Variants in DCTN4 observed in about 807,000 individuals in gnomAD.
DCTN4 encodes dynactin 4 (p62).
In DCTN4, 23 loss-of-function variants were observed where a neutral mutation model predicts 62.7. That is an observed-to-expected ratio of 0.37 (90% CI 0.26 to 0.52). DCTN4 has a LOEUF of 0.52. DCTN4 is among the 20% of genes least tolerant of loss of function. The pLI is 0.92. For missense variants in DCTN4, 514 were observed against 580.4 expected (o/e 0.89, Z 1.18); for synonymous variants, 199 against 202.1 (o/e 0.98, Z 0.13).
At chr5:150,751,199 TAAAC>T (rs2113141842) in intron 3 of DCTN4, among the ~76,000 whole-genome samples, 1 of 152,216 alleles carries the variant, frequency 6.6e-6, no homozygotes, top group South Asian at 2.1e-4. Flanking sequence ...TACTTATAAA[TAAAC>T]AAATAGTTCT....
chr5:150,713,709 G>A (rs977706795), intron 12 of DCTN4, among the ~76,000 whole-genome samples: 1 of 151,734 alleles, frequency 6.6e-6, no homozygotes, highest in Non-Finnish European at 1.5e-5. Flanking sequence ...CTCCCAAAGT[G>A]CTGGGATTAC....
chr5:150,758,850 C>G lies in DCTN4; in HGVS notation c.135+9G>C, dbSNP rs1394952076. ...ACCCCACATACTCGCTATAGGGCGA[C>G]TCTGTTACCTCGTGAGACACACATT... On this transcript the variant is annotated intron_variant, in intron 1 of 12. Transcript: ENST00000447998. 5.0e-6 allele frequency: 8 copies of G among 1,613,476 alleles called. No individual in the cohort carries two copies. The highest frequency in any genetic ancestry group is 6.8e-6 in the Non-Finnish European group (8 of 1,179,768).
chr5:150,715,704 T>C, intron 11 of DCTN4, 42 bp from the exon 12 acceptor site: 5 of 1,518,140 alleles, frequency 3.3e-6, no homozygotes, highest in Non-Finnish European at 4.6e-6. Flanking sequence ...AAGGGACCAG[T>C]GTGACAGAAT....
chr5:150,709,065 A>G lies in DCTN4; in HGVS notation c.*2084T>C, dbSNP rs78098966. The G allele has an allele frequency of 3.2e-3, 489 of 152,906 alleles. 17 individuals are homozygous for G. In the East Asian group the frequency reaches 0.081, roughly 25 times the overall value. 9.5% of individuals were successfully genotyped at this position (152,906 alleles called of 1,614,324 possible). A position where few individuals can be genotyped will look rare whatever the true frequency, so the allele number is the denominator to read the frequency against. On this transcript the variant is annotated 3_prime_UTR_variant, in exon 13 of 13. Coordinates refer to ENST00000447998, the MANE Select transcript of DCTN4 (RefSeq NM_016221.4). ...GCATTAAAATTTTTGCACCTCATCT[A>G]ATATAAAAAAGGCAACAAATACAAT...
At chr5:150,711,607 G>T (rs1759569002) in intron 12 of DCTN4, among the ~76,000 whole-genome samples, 1 of 152,112 alleles carries the variant, frequency 6.6e-6, no homozygotes, top group Non-Finnish European at 1.5e-5. Context: ...ACGGGCTCAA[G>T]TAACTCTCCC....
chr5:150,741,879 T>C (rs1300864051), intron 4 of DCTN4, among the ~76,000 whole-genome samples: 3 of 152,242 alleles, frequency 2.0e-5, no homozygotes, highest in Non-Finnish European at 4.4e-5. Context: ...CTTTTCCTGA[T>C]GCACAATTCA....
chr5:150,715,635 A>G lies in DCTN4; in HGVS notation c.1099T>C (p.Leu367=), dbSNP rs747923630. ...TCTGCTGCTGCATCCTTGCCAGCTA[A>G]AACGAGCTCTTTGGGAGGCACCACC... The part of the protein sequence containing the change: ...KVVVPPKELV[L]AGKDAAAEYD... Residue 367 remains leucine, a synonymous_variant, in exon 12 of 13, where the codon TTA becomes CTA. Coordinates refer to ENST00000447998, the MANE Select transcript of DCTN4 (RefSeq NM_016221.4). 3.7e-6 allele frequency: 6 copies of G among 1,614,082 alleles called. No homozygotes were observed. Among genetic ancestry groups the G allele is most frequent in the Non-Finnish European group, 4.2e-6 (5 of 1,180,040 alleles).
intron 4 of DCTN4, among the ~76,000 whole-genome samples, chr5:150,739,333 C>CA (rs1184940129): frequency 2.0e-5 from 3 of 152,056 alleles, no homozygotes; most frequent in East Asian, 3.9e-4. Context: ...AAACCCCACC[C>CA]AAAAAACAAA....
chr5:150,729,562 AAAAC>A (rs764355669), intron 8 of DCTN4, among the ~76,000 whole-genome samples: 31 of 152,268 alleles, frequency 2.0e-4, no homozygotes, highest in East Asian at 7.7e-4. Flanking sequence ...AAGACATTAA[AAAAC>A]AAACAAACAA....
At chr5:150,732,158 G>T (rs1446525579) in intron 5 of DCTN4, among the ~76,000 whole-genome samples, 1 of 152,028 alleles carries the variant, frequency 6.6e-6, no homozygotes, top group African/African-American at 2.4e-5. Context: ...TTCTAATCTA[G>T]ATTTTTTTTG....
chr5:150,738,881 C>T (rs1023554287), intron 4 of DCTN4, among the ~76,000 whole-genome samples: 9 of 152,122 alleles, frequency 5.9e-5, no homozygotes, highest in African/African-American at 2.2e-4. Flanking sequence ...ATCCAAAAAG[C>T]TCCTAGATCT....
At chr5:150,735,329 G>C (rs7727767) in intron 4 of DCTN4, among the ~76,000 whole-genome samples, 2 of 152,176 alleles carry the variant, frequency 1.3e-5, no homozygotes, top group African/African-American at 2.4e-5. Context: ...GTCTGTCCAC[G>C]TGACAATTCA....
At chr5:150,725,624 A>G (rs1198554616) in intron 8 of DCTN4, among the ~76,000 whole-genome samples, 1 of 151,896 alleles carries the variant, frequency 6.6e-6, no homozygotes, top group African/African-American at 2.4e-5. Context: ...CTTCTTTTCT[A>G]ATATATACTG....
intron 2 of DCTN4, 39 bp downstream of exon 2, chr5:150,756,378 G>A (rs373263518): frequency 2.1e-6 from 3 of 1,450,758 alleles, no homozygotes; most frequent in East Asian, 2.4e-5. Flanking sequence ...GAACAGTCAA[G>A]GAAAATAGGA....
intron 9 of DCTN4, among the ~76,000 whole-genome samples, chr5:150,720,740 A>G (rs929316880): frequency 1.3e-5 from 2 of 152,150 alleles, no homozygotes; most frequent in Non-Finnish European, 2.9e-5. Flanking sequence ...TGGCCTCCCC[A>G]AATGTTGAGA....
intron 10 of DCTN4, among the ~76,000 whole-genome samples, chr5:150,718,968 G>A (rs530278847): frequency 4.2e-4 from 64 of 151,898 alleles, no homozygotes; most frequent in African/African-American, 1.5e-3. Flanking sequence ...ACAGGTGTGC[G>A]CCACCACACC....
intron 1 of DCTN4, chr5:150,757,998 A>G (rs1455774612): frequency 3.2e-5 from 28 of 881,860 alleles, no homozygotes; most frequent in Non-Finnish European, 3.8e-5. Flanking sequence ...TGGTTTGAAG[A>G]TTACATAAAG....
At chr5:150,731,848 T>C in intron 5 of DCTN4, 1 of 1,544,652 alleles carries the variant, frequency 6.5e-7, no homozygotes, top group South Asian at 1.2e-5. Flanking sequence ...ATCTGCTAAC[T>C]TCTTCAGGGT....
intron 3 of DCTN4, among the ~76,000 whole-genome samples, chr5:150,752,848 T>C (rs1752725255): frequency 6.6e-6 from 1 of 152,096 alleles, no homozygotes; most frequent in Admixed American, 6.6e-5. Flanking sequence ...TTTTTCTTAG[T>C]TTGTCATTTT....
Sources: allele counts gnomAD v4.1 joint callset (sites outside exome capture counted in the v4.1 genomes callset), GRCh38; gene constraint gnomAD v4.1.1; transcripts MANE v1.5; gene names NCBI Gene and HGNC (gene_info 2026-07-23, HGNC 2026-07-21).